Variants in SH3BP5 observed in about 807,000 individuals in gnomAD.
SH3BP5 encodes SH3 domain binding protein 5.
Under a neutral mutation model 43.3 loss-of-function variants are expected in SH3BP5, and 22 were observed. The ratio of observed to expected loss-of-function variants is 0.51; its 90% CI spans 0.36 to 0.73. The LOEUF (loss-of-function observed/expected upper bound fraction) is 0.73. Among genes scored for constraint, SH3BP5 ranks in the 30% least tolerant of loss-of-function variants. The pLI, the probability that SH3BP5 is intolerant of heterozygous loss-of-function variation, is 0.00. For missense variants in SH3BP5, 529 were observed against 586.9 expected (o/e 0.90, Z 1.02); for synonymous variants, 255 against 225.8 (o/e 1.13, Z -1.16).
intron 3 of SH3BP5, among the ~76,000 whole-genome samples, chr3:15,289,181 C>T (rs1327297362): frequency 2.6e-5 from 4 of 152,230 alleles, no homozygotes; most frequent in Admixed American, 2.6e-4. Flanking sequence ...CTGTTAGCTG[C>T]TCCCAATATC....
At chr3:15,308,150 C>A (rs1177323707) in intron 2 of SH3BP5, among the ~76,000 whole-genome samples, 1 of 152,188 alleles carries the variant, frequency 6.6e-6, no homozygotes, top group Non-Finnish European at 1.5e-5. Flanking sequence ...CCTGCCCAGC[C>A]GCTAAAGATA....
At chr3:15,282,867 G>A (rs1395012068) in intron 3 of SH3BP5, among the ~76,000 whole-genome samples, 2 of 152,070 alleles carry the variant, frequency 1.3e-5, no homozygotes, top group Non-Finnish European at 2.9e-5. Flanking sequence ...AATTGTTGAC[G>A]CTGGTGATGG....
intron 2 of SH3BP5, among the ~76,000 whole-genome samples, chr3:15,306,469 C>T (rs1232122555): frequency 6.6e-6 from 1 of 152,214 alleles, no homozygotes; most frequent in Non-Finnish European, 1.5e-5. Flanking sequence ...GATCACACCA[C>T]TGCACTCCAG....
At chr3:15,334,745 G>C (rs1397528142), upstream of SH3BP5, among the ~76,000 whole-genome samples, 3 of 152,012 alleles carry the variant, frequency 2.0e-5, no homozygotes, top group Non-Finnish European at 1.5e-5. Flanking sequence ...GAGCTCAGGA[G>C]TTCAAGACCA....
rs747400316 is a variant in SH3BP5 at position 15,269,847 on chromosome 3, C to A, written c.361G>T (p.Asp121Tyr). 2 of 1,570,658 alleles carry A rather than the reference C, an allele frequency of 1.3e-6. No individual in the cohort carries two copies. The highest frequency in any genetic ancestry group is 1.9e-5 in the Admixed American group (1 of 53,996). ...AQLEAQKATQDFQRATEVLRA... is the reference protein window; with the variant it reads ...AQLEAQKATQYFQRATEVLRA... ...AGCACCTCTGTGGCCCTCTGGAAGT[C>A]CTGCGTGGCTTTCTGAGCTTCCAGC... The change falls in exon 4 of 9, where the codon GAC becomes TAC. Residue 121 changes from aspartate to tyrosine, a missense_variant. Around this residue, in one of 3 missense-constraint regions of SH3BP5, gnomAD observed 85 missense variants for 140.8 expected, o/e 0.60. Transcript: ENST00000383791.
At chr3:15,262,370 A>C (rs936042409) in intron 4 of SH3BP5, 81 bp from the exon 5 acceptor site, 7 of 1,494,686 alleles carry the variant, frequency 4.7e-6, no homozygotes, top group Non-Finnish European at 6.3e-6. Flanking sequence ...TTTTTCAAAA[A>C]ATATTCTTTG....
At chr3:15,271,165 G>A (rs1402270209) in intron 3 of SH3BP5, among the ~76,000 whole-genome samples, 1 of 151,678 alleles carries the variant, frequency 6.6e-6, no homozygotes, top group Non-Finnish European at 1.5e-5. Context: ...ACCACTTGAG[G>A]CCAGGTATTC....
chr3:15,327,076 A>G (rs545333025), intron 2 of SH3BP5, among the ~76,000 whole-genome samples: 41 of 152,256 alleles, frequency 2.7e-4, no homozygotes, highest in Non-Finnish European at 3.7e-4. Context: ...GTACCACAAA[A>G]ACAAGACTGG....
intron 7 of SH3BP5, 62 bp from the exon 8 acceptor site, chr3:15,257,175 T>C: frequency 1.3e-6 from 2 of 1,545,692 alleles, no homozygotes; most frequent in South Asian, 1.2e-5. Flanking sequence ...CCACAAGTGC[T>C]TGCTGCTGGC....
At chr3:15,266,928 C>A (rs2125059553) in intron 4 of SH3BP5, among the ~76,000 whole-genome samples, 1 of 152,352 alleles carries the variant, frequency 6.6e-6, no homozygotes, top group Non-Finnish European at 1.5e-5. Flanking sequence ...TCCCGCTGTG[C>A]CTGGAGGGAT....
Position 15,254,513 on chromosome 3 carries a change from C to T in SH3BP5, c.*1573G>A, listed in dbSNP as rs1286591119. On this transcript the variant is annotated 3_prime_UTR_variant, in exon 9 of 9. Transcript: ENST00000383791. ...AGTCTAATGCCCCAGTGTACCCCCCCCAGTTAATTAATTAAATAATTCTCT... is the reference window on the plus strand; with the variant it reads ...AGTCTAATGCCCCAGTGTACCCCCCTCAGTTAATTAATTAAATAATTCTCT... 1 of 152,172 alleles carries T rather than the reference C, an allele frequency of 6.6e-6. No homozygotes were observed. Among genetic ancestry groups the T allele is most frequent in the Non-Finnish European group, 1.5e-5 (1 of 68,048 alleles). 9.4% of individuals were successfully genotyped at this position (152,172 alleles called of 1,614,324 possible). A position where few individuals can be genotyped will look rare whatever the true frequency, so the allele number is the denominator to read the frequency against.
At chr3:15,265,890 C>T (rs1051031255) in intron 4 of SH3BP5, among the ~76,000 whole-genome samples, 3 of 152,062 alleles carry the variant, frequency 2.0e-5, no homozygotes, top group African/African-American at 7.2e-5. Flanking sequence ...AGCAAACACC[C>T]GGCACCTTCC....
At chr3:15,336,100 C>G (rs1698697685), upstream of SH3BP5, among the ~76,000 whole-genome samples, 1 of 152,100 alleles carries the variant, frequency 6.6e-6, no homozygotes, top group South Asian at 2.1e-4. Context: ...CACCATTGCA[C>G]TCCAGCGTGG....
At chr3:15,333,037 G>A, upstream of SH3BP5, 1 of 957,532 alleles carries the variant, frequency 1.0e-6, no homozygotes, top group African/African-American at 1.8e-5. Context: ...CGAAGGCTGC[G>A]GCCTCTCTGG....
upstream of SH3BP5, among the ~76,000 whole-genome samples, chr3:15,337,119 G>A (rs187429611): frequency 5.5e-3 from 716 of 129,974 alleles, 4 homozygotes; most frequent in Middle Eastern, 0.015. Flanking sequence ...GGACAGAGTC[G>A]CGCTATGTCA....
Position 15,330,516 on chromosome 3 carries a change from C to T in SH3BP5, c.189G>A (p.Glu63=). ...NQSTDDINRR[E]TELEDARQKF... Reference sequence around the variant, plus strand: ...CAGCTCTCTGTACCTCAAGTTCAGTCTCCCGTCTGTTGATATCATCCGTGG... The same window carrying T: ...CAGCTCTCTGTACCTCAAGTTCAGTTTCCCGTCTGTTGATATCATCCGTGG... The change falls in exon 2 of 9, where the codon GAG becomes GAA. Residue 63 remains glutamate, a synonymous_variant. Coordinates refer to ENST00000383791, the MANE Select transcript of SH3BP5 (RefSeq NM_004844.5). 1.9e-6 allele frequency: 3 copies of T among 1,613,400 alleles called. No individual in the cohort carries two copies. The highest frequency in any genetic ancestry group is 2.2e-5 in the South Asian group (2 of 90,946).
chr3:15,308,324 C>G (rs1017704039), intron 2 of SH3BP5, among the ~76,000 whole-genome samples: 1 of 152,234 alleles, frequency 6.6e-6, no homozygotes, highest in African/African-American at 2.4e-5. Context: ...CGCTAACAAT[C>G]CTAACAGGTA....
intron 3 of SH3BP5, chr3:15,273,393 G>A (rs548654957): frequency 5.1e-6 from 5 of 985,362 alleles, no homozygotes; most frequent in Non-Finnish European, 6.0e-6. Context: ...TTCCAAATAA[G>A]AGAACCAGAT....
intron 6 of SH3BP5, 75 bp from the exon 7 acceptor site, chr3:15,259,125 G>T: frequency 8.3e-7 from 1 of 1,198,638 alleles, no homozygotes; most frequent in Non-Finnish European, 1.2e-6. Flanking sequence ...ACAGGTTCAA[G>T]TACATTTTCT....
Sources: gnomAD v4.1 joint callset for allele counts (sites outside exome capture counted in the v4.1 genomes callset) on GRCh38, gnomAD v4.1.1 for gene constraint, gnomAD v4.1.1 regional missense constraint, MANE v1.5 for transcripts, NCBI Gene and HGNC (gene_info 2026-07-23, HGNC 2026-07-21) for gene names.